CDNF: variants seen among roughly 807,000 people sequenced by gnomAD.
CDNF encodes cerebral dopamine neurotrophic factor, also known as ARMET-like protein 1.
Under a neutral mutation model 14.8 loss-of-function variants are expected in CDNF, and 9 were observed. The observed-to-expected ratio is 0.61, with a 90% CI of 0.37 to 1.06. The LOEUF is 1.06. Among genes scored for constraint, CDNF ranks in the 50% least tolerant of loss-of-function variants. The pLI, the probability that CDNF is intolerant of heterozygous loss-of-function variation, is 0.01. For synonymous variants in CDNF, 86 were observed against 87.2 expected, an observed-to-expected ratio of 0.99 and a Z score of 0.07; for missense variants, 228 against 228.4, an observed-to-expected ratio of 1.00 and a Z score of 0.01.
In CDNF at chr10:14,833,341, C is replaced by T. The variant is rs114616573; in HGVS notation, c.115+4491G>A. Among the ~76,000 whole-genome samples the T allele has an allele frequency of 2.4e-3, 362 of 152,238 alleles. 2 individuals carry two copies. The highest frequency in any genetic ancestry group is 8.1e-3 in the African/African-American group (337 of 41,548). Reference sequence around the variant, plus strand: ...GCCTGCACAGAACAAAATAGACCAGCCTTCCTGACGAAGAGGGAATTCTCC... The same window carrying T: ...GCCTGCACAGAACAAAATAGACCAGTCTTCCTGACGAAGAGGGAATTCTCC... On this transcript the variant is annotated intron_variant, in intron 1 of 3. Transcript: ENST00000465530.
At chr10:14,823,156 T>C (rs997904371) in intron 3 of CDNF, among the ~76,000 whole-genome samples, 2 of 152,246 alleles carry the variant, frequency 1.3e-5, no homozygotes, top group Non-Finnish European at 2.9e-5. Context: ...TAAGAACTAT[T>C]AGTCTATTCA....
chr10:14,832,367 T>C (rs1252529123), intron 1 of CDNF, among the ~76,000 whole-genome samples: 1 of 152,180 alleles, frequency 6.6e-6, no homozygotes, highest in Non-Finnish European at 1.5e-5. Flanking sequence ...TGAGATCAAA[T>C]AGGCAGCAGC....
intron 1 of CDNF, among the ~76,000 whole-genome samples, chr10:14,834,567 AT>A (rs1833871202): frequency 6.6e-6 from 1 of 152,166 alleles, no homozygotes; most frequent in Non-Finnish European, 1.5e-5. Flanking sequence ...CAAGATCTAC[AT>A]TTGACTCACT....
At chr10:14,834,180 A>C (rs963619360) in intron 1 of CDNF, 10 of 152,006 alleles carry the variant, frequency 6.6e-5, no homozygotes, top group Admixed American at 6.6e-4. Flanking sequence ...ATCTCTATTA[A>C]AAATACAAAA....
chr10:14,826,482 A>AAAG (rs111933790), intron 2 of CDNF, among the ~76,000 whole-genome samples: 51,087 of 140,786 alleles, frequency 0.36, 10,940 homozygotes, highest in African/African-American at 0.66. Context: ...AGAAGAAGAA[A>AAAG]AAGAAGAAGA....
Position 14,827,052 on chromosome 10 carries a change from C to CAAAA in CDNF, c.243+1089_243+1092dup, listed in dbSNP as rs34308438. Among the ~76,000 whole-genome samples the CAAAA allele has an allele frequency of 2.9e-3, 209 of 72,088 alleles. 1 individual carries two copies. Among genetic ancestry groups the CAAAA allele is most frequent in the Middle Eastern group, 7.2e-3 (1 of 138 alleles). 47.3% of individuals were successfully genotyped at this position (72,088 alleles called of 152,430 possible). The stretch of plus-strand genomic sequence containing the variant: ...GCTACAAGGCCAAACCCCGTCTCTA[C>CAAAA]AAAAAAAAAAAAAAAAAAAAAAAAA... On this transcript the variant is annotated intron_variant, in intron 2 of 3. Coordinates refer to ENST00000465530, the MANE Select transcript of CDNF (RefSeq NM_001029954.3).
In CDNF at chr10:14,820,000, G is replaced by A; in HGVS notation, c.544C>T (p.His182Tyr). The A allele has an allele frequency of 1.2e-6, 2 of 1,613,862 alleles. No individual in the cohort carries two copies. Among genetic ancestry groups the A allele is most frequent in the African/African-American group, 1.3e-5 (1 of 74,994 alleles). ...GGAGATCAGAGCTCTGTTTTGGGGT[G>A]TGTCGCTGCATACTTGGGGGCCAGC... Reference protein sequence around the residue: ...QELAPKYAATHPKTEL With the variant: ...QELAPKYAATYPKTEL Residue 182 changes from histidine to tyrosine, a missense_variant, in exon 4 of 4, where the codon CAC (histidine) becomes TAC (tyrosine). By Grantham distance (83) the His-to-Tyr change is moderately conservative. Transcript: ENST00000465530.
In CDNF at chr10:14,820,152, G is replaced by GT. The variant is rs773643595; in HGVS notation, c.391dup (p.Thr131AsnfsTer8). ...CAGGTCAACTGATGCCAAGTCCAGT[G>GT]TTTTTTCTAAATGGCAAAAAGGAAA... On this transcript the variant is annotated frameshift_variant, in exon 4 of 4. Transcript: ENST00000465530. LOFTEE classifies it low-confidence loss of function (END_TRUNC). The GT allele has an allele frequency of 6.2e-7, 1 of 1,602,062 alleles. No homozygotes were observed. The highest frequency in any genetic ancestry group is 1.1e-5 in the South Asian group (1 of 88,344).
chr10:14,823,271 A>G (rs1238223507), intron 3 of CDNF, among the ~76,000 whole-genome samples: 16 of 152,164 alleles, frequency 1.1e-4, no homozygotes. Flanking sequence ...AAAAAGAGGA[A>G]AACCTCTGTG....
intron 1 of CDNF, 22 bp from the exon 2 acceptor site, chr10:14,828,294 G>A (rs372922338): frequency 9.2e-5 from 149 of 1,611,416 alleles, no homozygotes; most frequent in Admixed American, 2.3e-4. Context: ...AAATAAATAT[G>A]TCTGCATGCA....
chr10:14,837,253 C>T (rs905914083), intron 1 of CDNF, among the ~76,000 whole-genome samples: 3 of 152,134 alleles, frequency 2.0e-5, no homozygotes, highest in African/African-American at 4.8e-5. Flanking sequence ...TACAGACTCA[C>T]GTATTCTGAC....
At chr10:14,826,088 G>GC (rs1833783263) in intron 2 of CDNF, among the ~76,000 whole-genome samples, 2 of 140,210 alleles carry the variant, frequency 1.4e-5, no homozygotes, top group Admixed American at 7.3e-5. Context: ...AGAAGAAGAA[G>GC]AAGAAGAAGC....
Position 14,837,880 on chromosome 10 carries a change from G to C in CDNF, c.67C>G (p.Leu23Val). The C allele has an allele frequency of 6.2e-7, 1 of 1,606,634 alleles. No homozygotes were observed. Among genetic ancestry groups the C allele is most frequent in the Non-Finnish European group, 8.5e-7 (1 of 1,178,316 alleles). ...CAGLLVSHPV[L>V]TQGQEAGGRP... ...CCCCCGGCCTCCTGGCCCTGCGTCA[G>C]CACCGGGTGAGAGACCAAAAGCCCG... The change falls in exon 1 of 4, where the codon CTG (leucine) becomes GTG (valine). Residue 23 changes from leucine to valine, a missense_variant. Leu to Val is a conservative substitution (Grantham distance 32, BLOSUM62 1). Coordinates refer to ENST00000465530, the MANE Select transcript of CDNF (RefSeq NM_001029954.3).
Position 14,819,732 on chromosome 10 carries a change from C to T in CDNF, c.*248G>A. The T allele has an allele frequency of 2.9e-6, 1 of 350,712 alleles. No individual in the cohort carries two copies. Among genetic ancestry groups the T allele is most frequent in the African/African-American group, 2.1e-5 (1 of 47,460 alleles). The allele number at this position is 350,712 out of a possible 1,614,324, so 21.7% of individuals were successfully genotyped here. A position where few individuals can be genotyped will look rare whatever the true frequency, so the allele number is the denominator to read the frequency against. Reference sequence around the variant, plus strand: ...ACTTTTAGGAGACAGGCAATGAAAACTGGCATAGTCATTCCAAGAAACTTA... The same window carrying T: ...ACTTTTAGGAGACAGGCAATGAAAATTGGCATAGTCATTCCAAGAAACTTA... On this transcript the variant is annotated 3_prime_UTR_variant, in exon 4 of 4. Coordinates refer to ENST00000465530, the MANE Select transcript of CDNF (RefSeq NM_001029954.3).
In CDNF at chr10:14,819,669, CTT is replaced by C. The variant is rs1564311486; in HGVS notation, c.*309_*310del. On this transcript the variant is annotated 3_prime_UTR_variant, in exon 4 of 4. Coordinates refer to ENST00000465530, the MANE Select transcript of CDNF (RefSeq NM_001029954.3). ...GGAGTCTCTGAATGCCTTCTTCTTT[CTT>C]GGAATCAATTTACTCCATCAATTTG... The C allele has an allele frequency of 9.1e-6, 2 of 219,206 alleles. No individual in the cohort carries two copies. The highest frequency in any genetic ancestry group is 1.8e-5 in the Non-Finnish European group (2 of 112,632). The allele number at this position is 219,206 out of a possible 1,614,324, so 13.6% of individuals were successfully genotyped here.
intron 1 of CDNF, among the ~76,000 whole-genome samples, chr10:14,836,670 G>A (rs1175805965): frequency 3.9e-5 from 6 of 152,192 alleles, no homozygotes; most frequent in East Asian, 1.9e-4. Context: ...TGTGGCTCAC[G>A]CCTGTAATCC....
intron 1 of CDNF, chr10:14,836,123 T>C (rs1009453416): frequency 6.6e-5 from 10 of 152,238 alleles, no homozygotes; most frequent in Non-Finnish European, 1.3e-4. Flanking sequence ...CTAGAGTATG[T>C]ATAATATGGC....
chr10:14,838,037 G>T lies in CDNF; in HGVS notation c.-91C>A. On this transcript the variant is annotated 5_prime_UTR_variant, in exon 1 of 4. Transcript: ENST00000465530. ...GCTGAGCAGAATTCGAGGTTGGAAA[G>T]AATCTGCCAGTAGTTGCCAGGACAA... 1.1e-6 allele frequency: 1 copy of T among 927,026 alleles called. No homozygotes were observed. Among genetic ancestry groups the T allele is most frequent in the Non-Finnish European group, 1.7e-6 (1 of 601,250 alleles). 57.4% of individuals were successfully genotyped at this position (927,026 alleles called of 1,614,324 possible). A position where few individuals can be genotyped will look rare whatever the true frequency, so the allele number is the denominator to read the frequency against.
At chr10:14,824,409 C>G (rs1313307002) in intron 3 of CDNF, among the ~76,000 whole-genome samples, 1 of 152,020 alleles carries the variant, frequency 6.6e-6, no homozygotes. Flanking sequence ...AGTTCAAGAC[C>G]AGCCTGGCCA....
Sources: allele counts gnomAD v4.1 joint callset (sites outside exome capture counted in the v4.1 genomes callset), GRCh38; gene constraint gnomAD v4.1.1; transcripts MANE v1.5; gene names NCBI Gene and HGNC (gene_info 2026-07-23, HGNC 2026-07-21).